Variants in LRP5 observed in about 807,000 individuals in gnomAD.
LRP5 encodes the protein low-density lipoprotein receptor-related protein 5.
Under a neutral mutation model 154.1 loss-of-function variants are expected in LRP5, and 62 were observed. The observed-to-expected ratio is 0.40, with a 90% CI of 0.33 to 0.50. LRP5 has a LOEUF of 0.50. Ranked by LOEUF, LRP5 falls within the 20% of genes least tolerant of loss-of-function variation. LRP5 has a pLI of 0.55. For missense variants in LRP5, 1,915 were observed against 2,336.7 expected (o/e 0.82, Z 3.72); for synonymous variants, 966 against 1,011.5 (o/e 0.96, Z 0.85).
intron 2 of LRP5, among the ~76,000 whole-genome samples, chr11:68,351,814 C>T (rs941710500): frequency 1.8e-4 from 27 of 152,130 alleles, no homozygotes; most frequent in African/African-American, 1.9e-4. Context: ...GGGCTTCCGT[C>T]GGAGCTCAGG....
At chr11:68,394,943 T>C (rs1282676094) in intron 7 of LRP5, among the ~76,000 whole-genome samples, 4 of 152,014 alleles carry the variant, frequency 2.6e-5, no homozygotes, top group Admixed American at 2.6e-4. Context: ...GCTTTCAAAA[T>C]GGGCCAGGGA....
chr11:68,321,033 TACATTCAG>T (rs2098596435), intron 1 of LRP5, among the ~76,000 whole-genome samples: 1 of 152,054 alleles, frequency 6.6e-6, no homozygotes, highest in African/African-American at 2.4e-5. Flanking sequence ...TTTTATGTTT[TACATTCAG>T]ACATTATTCT....
rs368736765 is a variant in LRP5, at chr11:68,413,946, C to T, written c.2761C>T (p.Pro921Ser). Residue 921 changes from proline to serine, a missense_variant, in exon 12 of 23, where the codon CCC (proline) becomes TCC (serine). Around this residue, in one of 3 missense-constraint regions of LRP5, gnomAD observed 1,094 missense variants for 1,210.1 expected, o/e 0.90. Coordinates refer to ENST00000294304, the MANE Select transcript of LRP5 (RefSeq NM_002335.4). This position sits in a 1 kb window ranked among gnomAD's most constrained non-coding sequence, Gnocchi z 5.1. ...GQCGQLCLAI[P>S]GGHRCGCASH... ...GTGTGGGCAGCTGTGCCTTGCCATCCCCGGCGGCCACCGCTGCGGCTGCGC... is the reference window on the plus strand; with the variant it reads ...GTGTGGGCAGCTGTGCCTTGCCATCTCCGGCGGCCACCGCTGCGGCTGCGC... 1 of 1,609,820 alleles carries T rather than the reference C, an allele frequency of 6.2e-7. No homozygotes were observed. Among genetic ancestry groups the T allele is most frequent in the Non-Finnish European group, 8.5e-7 (1 of 1,180,010 alleles).
In LRP5 at chr11:68,426,150, C is replaced by T. The variant is rs202207765; in HGVS notation, c.3600C>T (p.Gly1200=). 79 of 1,612,778 alleles carry T rather than the reference C, an allele frequency of 4.9e-5. No individual in the cohort carries two copies. The East Asian group carries it at 1.7e-3, about 35-fold the overall frequency. The change falls in exon 16 of 23, where the codon GGC becomes GGT. Residue 1200 remains glycine (G), a synonymous_variant. Transcript: ENST00000294304. The part of the protein sequence containing the change: ...RIQGRVAHLT[G]IHAVEEVSLE... ...AGGGCCGTGTCGCCCACCTCACTGG[C>T]ATCCATGCAGTGGAGGAAGTCAGCC... is the stretch of plus-strand genomic sequence containing the variant.
intron 1 of LRP5, among the ~76,000 whole-genome samples, chr11:68,344,889 G>A (rs1251909336): frequency 3.9e-5 from 4 of 101,710 alleles, no homozygotes; most frequent in African/African-American, 1.2e-4. Flanking sequence ...TGCAGACAGA[G>A]TCTCGCTCTG....
At chr11:68,360,996 C>CAAAAAA (rs71043425) in intron 3 of LRP5, among the ~76,000 whole-genome samples, 1 of 15,744 alleles carries the variant, frequency 6.4e-5, no homozygotes, top group African/African-American at 2.9e-4. Flanking sequence ...GACTCTATCT[C>CAAAAAA]AAAAAAAAAA....
chr11:68,405,946 C>T (rs2098655407), intron 8 of LRP5, among the ~76,000 whole-genome samples: 2 of 152,258 alleles, frequency 1.3e-5, no homozygotes, highest in South Asian at 4.1e-4. Context: ...CTGCTTTCTT[C>T]CTGGGCCAGA....
chr11:68,402,396 A>C (rs1239312065), intron 7 of LRP5, among the ~76,000 whole-genome samples: 2 of 152,118 alleles, frequency 1.3e-5, no homozygotes, highest in Non-Finnish European at 2.9e-5. Flanking sequence ...TCTTCAAGAA[A>C]AATATTTAGC....
intron 1 of LRP5, among the ~76,000 whole-genome samples, chr11:68,321,404 C>T (rs1460723919): frequency 6.6e-6 from 1 of 152,088 alleles, no homozygotes; most frequent in African/African-American, 2.4e-5. Context: ...CAGAGCCGTC[C>T]TATCAGGTTC....
intron 17 of LRP5, among the ~76,000 whole-genome samples, chr11:68,431,923 G>A (rs985024094): frequency 1.3e-5 from 2 of 152,146 alleles, no homozygotes; most frequent in East Asian, 1.9e-4. Context: ...CCTTCCTCAC[G>A]GCTCGAGAGA....
intron 1 of LRP5, among the ~76,000 whole-genome samples, chr11:68,317,639 G>A (rs567631401): frequency 1.3e-5 from 2 of 152,340 alleles, no homozygotes; most frequent in South Asian, 2.1e-4. Flanking sequence ...TGTGGGTGGC[G>A]CTCTGAGGTC....
At chr11:68,421,979 G>GTA (rs938122811) in intron 13 of LRP5, among the ~76,000 whole-genome samples, 5 of 152,070 alleles carry the variant, frequency 3.3e-5, no homozygotes, top group Non-Finnish European at 7.3e-5. Context: ...CCAGGCTGGG[G>GTA]TATGGTGATA....
intron 5 of LRP5, among the ~76,000 whole-genome samples, chr11:68,365,929 C>T (rs184782402): frequency 6.6e-6 from 1 of 152,252 alleles, no homozygotes; most frequent in African/African-American, 2.4e-5. Context: ...TTATTTTTGC[C>T]CCAGATATTT....
Position 68,449,198 on chromosome 11 carries a change from A to AGG in LRP5, c.*128_*129insGG. ...GATTTTAAAAACATGAGAAATGTGAACTGTGATGGGGTGGGCAGGGCTGGG... is the reference window on the plus strand; with the variant it reads ...GATTTTAAAAACATGAGAAATGTGAAGGCTGTGATGGGGTGGGCAGGGCTGGG... On this transcript the variant is annotated 3_prime_UTR_variant, in exon 23 of 23. Coordinates refer to ENST00000294304, the MANE Select transcript of LRP5 (RefSeq NM_002335.4). 1 of 581,064 alleles carries AGG rather than the reference A, an allele frequency of 1.7e-6. No individual in the cohort carries two copies. Among genetic ancestry groups the AGG allele is most frequent in the Non-Finnish European group, 2.7e-6 (1 of 371,178 alleles). 36.0% of individuals were successfully genotyped at this position (581,064 alleles called of 1,614,324 possible). A position where few individuals can be genotyped will look rare whatever the true frequency, so the allele number is the denominator to read the frequency against.
chr11:68,345,691 G>A (rs979862219), intron 1 of LRP5, among the ~76,000 whole-genome samples: 8 of 152,320 alleles, frequency 5.3e-5, no homozygotes, highest in Non-Finnish European at 8.8e-5. Context: ...AACCCAAAGC[G>A]AAATTGCTGG....
chr11:68,443,569 ATATATATATATATATATT>A lies in LRP5; in HGVS notation c.4489-2865_4489-2848del, dbSNP rs1279590054. 8.1e-4 allele frequency among the ~76,000 whole-genome samples: 31 copies of A among 38,136 alleles called. 2 individuals are homozygous for A. The highest frequency in any genetic ancestry group is 1.1e-3 in the Non-Finnish European group (22 of 20,466). The allele number at this position is 38,136 out of a possible 152,430, so 25.0% of individuals were successfully genotyped here. A position where few individuals can be genotyped will look rare whatever the true frequency, so the allele number is the denominator to read the frequency against. The stretch of plus-strand genomic sequence containing the variant: ...CATATATATATATATATATATATAT[ATATATATATATATATATT>A]TTTTTTTTTTTTGGTTATGTTCAGA... On this transcript the variant is annotated intron_variant, in intron 21 of 22. Transcript: ENST00000294304.
chr11:68,363,971 A>C, intron 4 of LRP5, 28 bp downstream of exon 4: 5 of 278,112 alleles, frequency 1.8e-5, no homozygotes, highest in East Asian at 1.3e-4. Context: ...CGCGGGGGCG[A>C]GGGTGCGGGG....
At chr11:68,443,910 C>T (rs56154705) in intron 21 of LRP5, among the ~76,000 whole-genome samples, 15,984 of 151,660 alleles carry the variant, frequency 0.11, 1,075 homozygotes, top group East Asian at 0.15. Context: ...CCACCCACCT[C>T]GGCCTCCCAA....
At chr11:68,308,795 C>A (rs1472353513), upstream of LRP5, among the ~76,000 whole-genome samples, 1 of 151,706 alleles carries the variant, frequency 6.6e-6, no homozygotes, top group Non-Finnish European at 1.5e-5. Flanking sequence ...GTCGCCCAGG[C>A]TGGAGTGTAG....
Sources: gnomAD v4.1 joint callset for allele counts (sites outside exome capture counted in the v4.1 genomes callset) on GRCh38, gnomAD v4.1.1 for gene constraint, gnomAD v4.1.1 regional missense constraint, Gnocchi (gnomAD v3.1) non-coding constraint, MANE v1.5 for transcripts, NCBI Gene and HGNC (gene_info 2026-07-23, HGNC 2026-07-21) for gene names.